Variants in STX7 observed in about 807,000 individuals in gnomAD.
STX7 encodes the protein syntaxin 7, also known as syntaxin-7.
In STX7, 34 loss-of-function variants were observed where a neutral mutation model predicts 39.6. The observed-to-expected ratio is 0.86, with a 90% CI of 0.65 to 1.14. STX7 has a LOEUF of 1.14. Ranked by LOEUF, STX7 falls within the 50% of genes most tolerant of loss-of-function variation. The probability of loss-of-function intolerance (pLI) is 0.00; values close to 1 mark genes in which losing one functional copy is unlikely to be tolerated. For missense variants in STX7, 284 were observed against 310.4 expected, an observed-to-expected ratio of 0.92 and a Z score of 0.64; for synonymous variants, 119 against 99.1, an observed-to-expected ratio of 1.20 and a Z score of -1.19.
At chr6:132,483,534 G>C (rs1192264743) in intron 2 of STX7, among the ~76,000 whole-genome samples, 2 of 152,126 alleles carry the variant, frequency 1.3e-5, no homozygotes, top group Non-Finnish European at 1.5e-5. Flanking sequence ...CCCATCATAG[G>C]TGCTGGCTTG....
intron 1 of STX7, among the ~76,000 whole-genome samples, chr6:132,503,845 T>C (rs1484476074): frequency 2.0e-5 from 3 of 152,226 alleles, no homozygotes; most frequent in Admixed American, 2.0e-4. Flanking sequence ...AAAACGTCTT[T>C]GATCTCTTCA....
intron 8 of STX7, among the ~76,000 whole-genome samples, chr6:132,468,048 A>C (rs1436819339): frequency 1.3e-5 from 2 of 152,212 alleles, no homozygotes; most frequent in African/African-American, 4.8e-5. Flanking sequence ...AAGTTTCCCC[A>C]AAAGTGCTTA....
chr6:132,474,315 T>A (rs1279177807), intron 3 of STX7, among the ~76,000 whole-genome samples: 2 of 151,752 alleles, frequency 1.3e-5, no homozygotes, highest in Admixed American at 1.3e-4. Context: ...ATATTAGAAC[T>A]TTTATGAATT....
At position 132,456,179 on chromosome 6, in the gene STX7, A is replaced by G. The variant is rs1420900035; in HGVS notation, c.*4579T>C. 1 of 152,176 alleles carries G rather than the reference A, an allele frequency of 6.6e-6. No individual in the cohort carries two copies. Among genetic ancestry groups the G allele is most frequent in the African/African-American group, 2.4e-5 (1 of 41,448 alleles). The allele number at this position is 152,176 out of a possible 1,614,324, so 9.4% of individuals were successfully genotyped here. On this transcript the variant is annotated 3_prime_UTR_variant, in exon 10 of 10. Coordinates refer to ENST00000367941, the MANE Select transcript of STX7 (RefSeq NM_003569.3). ...GCCATTACACACAGATCATCACTCA[A>G]ATCAGTAGTTTCTCTTTAGAAAACT...
intron 5 of STX7, 43 bp downstream of exon 5, chr6:132,471,420 A>G: frequency 6.3e-7 from 1 of 1,584,554 alleles, no homozygotes; most frequent in Non-Finnish European, 8.6e-7. Context: ...GACCCTTAGC[A>G]AGTAACCATG....
intron 3 of STX7, among the ~76,000 whole-genome samples, chr6:132,473,497 GT>G (rs1241957879): frequency 0.016 from 1,937 of 122,984 alleles, 58 homozygotes; most frequent in Admixed American, 0.069. Context: ...TTATAGTTCA[GT>G]TTTTTTTTTT....
intron 2 of STX7, among the ~76,000 whole-genome samples, chr6:132,493,460 T>C (rs985230144): frequency 1.2e-4 from 18 of 152,170 alleles, no homozygotes; most frequent in African/African-American, 4.1e-4. Flanking sequence ...TCCTGTGCTG[T>C]TCTCATGATA....
rs3757298 is a variant in STX7 at position 132,463,877 on chromosome 6, A to C, written c.693+116T>G. 0.1 allele frequency: 98,778 copies of C among 962,682 alleles called. 5,805 individuals carry two copies. The highest frequency in any genetic ancestry group is 0.18 in the Admixed American group (9,208 of 51,798). 59.6% of individuals were successfully genotyped at this position (962,682 alleles called of 1,614,324 possible). ...CAGACTTCTCTTCCATGGGATTTTAAATTTTAACATCTTCAGCCATTTTAA... is the reference window on the plus strand; with the variant it reads ...CAGACTTCTCTTCCATGGGATTTTACATTTTAACATCTTCAGCCATTTTAA... On this transcript the variant is annotated intron_variant, in intron 9 of 9. Transcript: ENST00000367941.
rs1775631342 is a variant in STX7, at chr6:132,503,571, A to G, written c.-41T>C. On this transcript the variant is annotated 5_prime_UTR_variant, in exon 2 of 10. Transcript: ENST00000367941. Reference sequence around the variant, plus strand: ...TCGCTAATTTCATCAGATGCTGTGCAGTTTTCTAAGCAGTCACCTAAATAA... The same window carrying G: ...TCGCTAATTTCATCAGATGCTGTGCGGTTTTCTAAGCAGTCACCTAAATAA... 2 of 1,510,662 alleles carry G rather than the reference A, an allele frequency of 1.3e-6. No homozygotes were observed. The highest frequency in any genetic ancestry group is 1.8e-6 in the Non-Finnish European group (2 of 1,087,376). The allele number at this position is 1,510,662 out of a possible 1,614,324, so 93.6% of individuals were successfully genotyped here.
chr6:132,478,079 AAAT>A (rs1215031436), intron 2 of STX7, among the ~76,000 whole-genome samples: 1 of 152,154 alleles, frequency 6.6e-6, no homozygotes, highest in African/African-American at 2.4e-5. Flanking sequence ...CAATAACTAT[AAAT>A]AATTTAGAAA....
intron 3 of STX7, among the ~76,000 whole-genome samples, chr6:132,473,508 T>A (rs1470891088): frequency 7.0e-6 from 1 of 142,378 alleles, no homozygotes; most frequent in African/African-American, 2.6e-5. Context: ...TTTTTTTTTT[T>A]ATTATTGTGT....
At chr6:132,472,229 A>G in intron 4 of STX7, 53 bp downstream of exon 4, 1 of 1,374,120 alleles carries the variant, frequency 7.3e-7, no homozygotes, top group South Asian at 1.3e-5. Flanking sequence ...CCTACAGTGC[A>G]CTGGGTTTTT....
At chr6:132,507,514 T>C (rs941085169) in intron 1 of STX7, among the ~76,000 whole-genome samples, 8 of 152,232 alleles carry the variant, frequency 5.3e-5, no homozygotes, top group Non-Finnish European at 5.9e-5. Context: ...CTACTTTGTA[T>C]CTTTATAGCT....
At chr6:132,484,184 G>A (rs930124129) in intron 2 of STX7, among the ~76,000 whole-genome samples, 6 of 152,072 alleles carry the variant, frequency 3.9e-5, no homozygotes, top group African/African-American at 7.2e-5. Flanking sequence ...TTCCACAGAC[G>A]TGACTTCAAA....
Position 132,453,253 on chromosome 6 carries a change from A to G in STX7, c.*7505T>C, listed in dbSNP as rs978581747. ...CTCACATTTTATACAAAATTAACTGAAAATGGAATATAGACTTAAAAGTAA... is the reference window on the plus strand; with the variant it reads ...CTCACATTTTATACAAAATTAACTGGAAATGGAATATAGACTTAAAAGTAA... On this transcript the variant is annotated 3_prime_UTR_variant, in exon 10 of 10. Coordinates refer to ENST00000367941, the MANE Select transcript of STX7 (RefSeq NM_003569.3). 1.3e-5 allele frequency: 2 copies of G among 152,160 alleles called. No homozygotes were observed. The highest frequency in any genetic ancestry group is 2.9e-5 in the Non-Finnish European group (2 of 68,006). 9.4% of individuals were successfully genotyped at this position (152,160 alleles called of 1,614,324 possible). A position where few individuals can be genotyped will look rare whatever the true frequency, so the allele number is the denominator to read the frequency against.
At chr6:132,489,578 G>A (rs1775226075) in intron 2 of STX7, among the ~76,000 whole-genome samples, 1 of 152,138 alleles carries the variant, frequency 6.6e-6, no homozygotes, top group Admixed American at 6.5e-5. Context: ...GTGAGCAAAA[G>A]CACTGATCCA....
Position 132,450,830 on chromosome 6 carries a change from AAAG to A in STX7, c.*9925_*9927del, listed in dbSNP as rs903480619. On this transcript the variant is annotated 3_prime_UTR_variant, in exon 10 of 10. Coordinates refer to ENST00000367941, the MANE Select transcript of STX7 (RefSeq NM_003569.3). Reference sequence around the variant, plus strand: ...ATTTGTGTCATCAGAGTCTCAAAAGAAAGAAGAAAGAAGGAAGACTGAAAAAGT... The same window carrying A: ...ATTTGTGTCATCAGAGTCTCAAAAGAAAGAAAGAAGGAAGACTGAAAAAGT... 6.6e-6 allele frequency: 1 copy of A among 152,116 alleles called. No individual in the cohort carries two copies. The highest frequency in any genetic ancestry group is 1.5e-5 in the Non-Finnish European group (1 of 68,028). The allele number at this position is 152,116 out of a possible 1,614,324, so 9.4% of individuals were successfully genotyped here. A position where few individuals can be genotyped will look rare whatever the true frequency, so the allele number is the denominator to read the frequency against.
At chr6:132,495,840 C>A (rs997336354) in intron 2 of STX7, among the ~76,000 whole-genome samples, 1 of 152,112 alleles carries the variant, frequency 6.6e-6, no homozygotes, top group East Asian at 1.9e-4. Flanking sequence ...GAGCCATGCA[C>A]CAATTCTTAA....
chr6:132,496,266 A>T (rs181374730), intron 2 of STX7, among the ~76,000 whole-genome samples: 57 of 151,444 alleles, frequency 3.8e-4, no homozygotes, highest in South Asian at 2.9e-3. Context: ...TTATTATTTT[A>T]AAAAAAAATA....
Sources: allele counts gnomAD v4.1 joint callset (sites outside exome capture counted in the v4.1 genomes callset), GRCh38; gene constraint gnomAD v4.1.1; transcripts MANE v1.5; gene names NCBI Gene and HGNC (gene_info 2026-07-23, HGNC 2026-07-21).